The following APBA2 variants were observed in gnomAD, a reference collection of about 807,000 sequenced individuals.
APBA2 encodes amyloid-beta A4 precursor protein-binding family A member 2.
A neutral mutation model predicts 75.0 loss-of-function variants in APBA2; 30 were observed. That is an observed-to-expected ratio of 0.40 (90% confidence interval 0.30 to 0.54). The LOEUF (loss-of-function observed/expected upper bound fraction) is 0.54, where lower values mean the gene tolerates loss of function less well. APBA2 is among the 20% of genes least tolerant of loss of function. The pLI is 0.49. For missense variants in APBA2, 801 were observed against 1,016.1 expected, an observed-to-expected ratio of 0.79 and a Z score of 2.88; for synonymous variants, 444 against 409.6, an observed-to-expected ratio of 1.08 and a Z score of -1.01.
At chr15:28,982,260 C>T (rs1231628721) in intron 2 of APBA2, among the ~76,000 whole-genome samples, 1 of 152,164 alleles carries the variant, frequency 6.6e-6, no homozygotes. Context: ...TGAACTCAGC[C>T]CAACATATTG....
rs183736586 is a variant in APBA2, at chr15:28,918,913, G to A, written c.-204-2727G>A. 6.6e-6 allele frequency among the ~76,000 whole-genome samples: 1 copy of A among 151,814 alleles called. No homozygotes were observed. Among genetic ancestry groups the A allele is most frequent in the East Asian group, 2.0e-4 (1 of 5,126 alleles). ...CGCGCTCTGTCTCCCAGGCTGGAGTGCAGTGGCGCTATCTTGGCTCACTGC... is the reference window on the plus strand; with the variant it reads ...CGCGCTCTGTCTCCCAGGCTGGAGTACAGTGGCGCTATCTTGGCTCACTGC... On this transcript the variant is annotated intron_variant, in intron 1 of 14. Transcript: ENST00000683413. This position sits in a 1 kb window ranked among gnomAD's most constrained non-coding sequence, Gnocchi z 4.2.
At chr15:29,048,335 G>A (rs57520910) in intron 3 of APBA2, among the ~76,000 whole-genome samples, 3,107 of 152,210 alleles carry the variant, frequency 0.02, 65 homozygotes, top group Admixed American at 0.059. Context: ...GCGACAGAGC[G>A]AGACCTTGTC....
intron 3 of APBA2, among the ~76,000 whole-genome samples, chr15:29,036,042 C>T (rs1354908150): frequency 6.6e-6 from 1 of 152,128 alleles, no homozygotes; most frequent in Non-Finnish European, 1.5e-5. Context: ...CCTGGCTGTG[C>T]CCTTTGGCTC....
intron 2 of APBA2, among the ~76,000 whole-genome samples, chr15:28,962,603 A>G (rs1248056657): frequency 6.6e-6 from 1 of 151,408 alleles, no homozygotes; most frequent in African/African-American, 2.4e-5. Flanking sequence ...TAATAAAGAC[A>G]GATTTTGCCA....
At position 29,105,543 on chromosome 15, in the gene APBA2, G is replaced by A. The variant is rs149032545; in HGVS notation, c.1689G>A (p.Ser563=). 5.0e-6 allele frequency: 8 copies of A among 1,613,404 alleles called. No individual in the cohort carries two copies. The highest frequency in any genetic ancestry group is 4.0e-5 in the African/African-American group (3 of 74,908). Residue 563 remains serine, a synonymous_variant, in exon 11 of 15, where the codon TCG becomes TCA. Transcript: ENST00000683413. ...YNDDLIHFSN[S]ENCKELQLEK... ...ACGACCTCATCCACTTCTCAAACTC[G>A]GAGAACTGCAAGGAGGTAAGCCACA...
chr15:29,078,288 G>A (rs778553767), intron 6 of APBA2, among the ~76,000 whole-genome samples: 7 of 149,524 alleles, frequency 4.7e-5, no homozygotes, highest in Admixed American at 3.3e-4. Flanking sequence ...GCGAAACTCC[G>A]TATCAAAAAA....
chr15:28,946,035 C>T (rs954995650), intron 2 of APBA2, among the ~76,000 whole-genome samples: 45 of 152,120 alleles, frequency 3.0e-4, no homozygotes, highest in African/African-American at 9.7e-4. Flanking sequence ...CAAATGTGGG[C>T]GGCCCAGTTG....
intron 2 of APBA2, among the ~76,000 whole-genome samples, chr15:28,922,342 C>G (rs965123077): frequency 6.6e-6 from 1 of 152,218 alleles, no homozygotes; most frequent in African/African-American, 2.4e-5. Flanking sequence ...GGGCCCTCCC[C>G]AGGGGCAGCA....
intron 2 of APBA2, among the ~76,000 whole-genome samples, chr15:28,940,933 G>T (rs577031307): frequency 1.3e-5 from 2 of 152,190 alleles, no homozygotes; most frequent in African/African-American, 4.8e-5. Context: ...AAAAGGACTC[G>T]TGAGCTCACC....
intron 2 of APBA2, among the ~76,000 whole-genome samples, chr15:28,948,706 A>G (rs1161388233): frequency 6.6e-6 from 1 of 152,178 alleles, no homozygotes; most frequent in Non-Finnish European, 1.5e-5. Flanking sequence ...GATACTGTAA[A>G]CGCTGATACA....
At chr15:29,038,173 T>A (rs2040841585) in intron 3 of APBA2, among the ~76,000 whole-genome samples, 1 of 152,112 alleles carries the variant, frequency 6.6e-6, no homozygotes, top group South Asian at 2.1e-4. Flanking sequence ...GACAACAACT[T>A]CTGCCTTCCC....
At chr15:28,932,260 G>A (rs1028661598) in intron 2 of APBA2, among the ~76,000 whole-genome samples, 2 of 152,228 alleles carry the variant, frequency 1.3e-5, no homozygotes, top group East Asian at 1.9e-4. Context: ...GCTGAGGGGG[G>A]CACCTGGAGC....
At chr15:28,949,127 G>A (rs894554659) in intron 2 of APBA2, among the ~76,000 whole-genome samples, 3 of 151,822 alleles carry the variant, frequency 2.0e-5, no homozygotes, top group Non-Finnish European at 4.4e-5. Flanking sequence ...GGGTGGTAAA[G>A]GAATCAATCA....
chr15:29,109,785 C>T (rs1043971399), intron 13 of APBA2, among the ~76,000 whole-genome samples: 1 of 152,226 alleles, frequency 6.6e-6, no homozygotes, highest in African/African-American at 2.4e-5. Context: ...ACTGGATTCC[C>T]CTCAAAAGGT....
chr15:28,985,927 C>T lies in APBA2; in HGVS notation c.-94-9826C>T, dbSNP rs117261617. The stretch of plus-strand genomic sequence containing the variant: ...TGGCTTCAGGACCTGGGAGGAGCGG[C>T]GGAGCAGGTGGCTGCCCTGGGCTTG... On this transcript the variant is annotated intron_variant, in intron 2 of 14. Transcript: ENST00000683413. Among the ~76,000 whole-genome samples the T allele has an allele frequency of 6.5e-3, 984 of 152,322 alleles. 4 individuals are homozygous for T. The highest frequency in any genetic ancestry group is 0.017 in the Middle Eastern group (5 of 294).
At chr15:28,958,305 TTGAG>T (rs2036281630) in intron 2 of APBA2, among the ~76,000 whole-genome samples, 1 of 152,206 alleles carries the variant, frequency 6.6e-6, no homozygotes, top group African/African-American at 2.4e-5. Flanking sequence ...ACAGTGGACT[TTGAG>T]TGAGCAAGAC....
In APBA2 at chr15:29,094,318, G is replaced by A. The variant is rs1391627372; in HGVS notation, c.1251+5G>A. ...GCTAAGATCAAGAAAAAAGCGGTGT[G>A]TAGGGCCTTGAGGCCCTGGGACAGT... is the stretch of plus-strand genomic sequence containing the variant. On this transcript the variant is annotated splice_donor_5th_base_variant and intron_variant, in intron 8 of 14. Transcript: ENST00000683413. The A allele has an allele frequency of 1.2e-6, 2 of 1,614,170 alleles. No individual in the cohort carries two copies. Among genetic ancestry groups the A allele is most frequent in the East Asian group, 2.2e-5 (1 of 44,890 alleles).
chr15:29,085,251 C>T (rs528130220), intron 6 of APBA2, among the ~76,000 whole-genome samples: 6 of 152,168 alleles, frequency 3.9e-5, no homozygotes, highest in Admixed American at 1.3e-4. Flanking sequence ...GTTGGCTGGG[C>T]GCAGTGGCTC....
intron 1 of APBA2, among the ~76,000 whole-genome samples, chr15:28,901,905 T>C (rs550293353): frequency 9.2e-4 from 128 of 139,804 alleles, no homozygotes; most frequent in African/African-American, 3.2e-3. Flanking sequence ...CGGGGAGCTT[T>C]TGATGTGTGT....
Sources: gnomAD v4.1 joint callset for allele counts (sites outside exome capture counted in the v4.1 genomes callset) on GRCh38, gnomAD v4.1.1 for gene constraint, Gnocchi (gnomAD v3.1) non-coding constraint, MANE v1.5 for transcripts, NCBI Gene and HGNC (gene_info 2026-07-23, HGNC 2026-07-21) for gene names.